The following ADAMTS9 variants were observed in gnomAD, a reference collection of about 807,000 sequenced individuals.
ADAMTS9 encodes the protein ADAM metallopeptidase with thrombospondin type 1 motif 9.
In ADAMTS9, 107 loss-of-function variants were observed where a neutral mutation model predicts 257.1. The ratio of observed to expected loss-of-function variants is 0.42; its 90% CI spans 0.36 to 0.49. The LOEUF (loss-of-function observed/expected upper bound fraction) is 0.49. Ranked by LOEUF, ADAMTS9 falls within the 20% of genes least tolerant of loss-of-function variation. The pLI is 0.03. For missense variants in ADAMTS9, 2,353 were observed against 2,469.1 expected (o/e 0.95, Z 1.00); for synonymous variants, 982 against 880.9 (o/e 1.11, Z -2.03).
chr3:64,640,992 G>A (rs887860198), intron 12 of ADAMTS9, among the ~76,000 whole-genome samples: 2 of 152,226 alleles, frequency 1.3e-5, no homozygotes, highest in Admixed American at 1.3e-4. Flanking sequence ...TCTGTAAAAT[G>A]TCAGGTTGTG....
At chr3:64,519,715 A>C (rs1317763224) in intron 39 of ADAMTS9, among the ~76,000 whole-genome samples, 1 of 152,186 alleles carries the variant, frequency 6.6e-6, no homozygotes, top group Non-Finnish European at 1.5e-5. Flanking sequence ...ATATCAATAG[A>C]TGCAGAAAAA....
intron 25 of ADAMTS9, 23 bp from the exon 26 acceptor site, chr3:64,602,236 G>A: frequency 6.2e-7 from 1 of 1,610,136 alleles, no homozygotes; most frequent in Non-Finnish European, 8.5e-7. Context: ...TTCAGAAAGA[G>A]AAAGGGTCAG....
intron 30 of ADAMTS9, among the ~76,000 whole-genome samples, chr3:64,556,460 A>G (rs986077965): frequency 6.6e-6 from 1 of 152,130 alleles, no homozygotes; most frequent in Non-Finnish European, 1.5e-5. Context: ...AGCTGGAACT[A>G]CAGGTCCATG....
intron 16 of ADAMTS9, among the ~76,000 whole-genome samples, chr3:64,623,281 G>A (rs777513898): frequency 5.3e-5 from 8 of 152,166 alleles, no homozygotes; most frequent in African/African-American, 9.7e-5. Context: ...CTTTGGCTCT[G>A]CCTTGCTCTT....
chr3:64,652,855 T>TTCAGCTATCA (rs1491278849), intron 8 of ADAMTS9, among the ~76,000 whole-genome samples: 1 of 152,144 alleles, frequency 6.6e-6, no homozygotes, highest in East Asian at 1.9e-4. Flanking sequence ...GACCCAAAAC[T>TTCAGCTATCA]TTTTGAGTGC....
chr3:64,553,782 G>C (rs534352824), intron 30 of ADAMTS9, among the ~76,000 whole-genome samples: 9 of 152,226 alleles, frequency 5.9e-5, no homozygotes, highest in African/African-American at 2.2e-4. Context: ...ACCACTGTGA[G>C]GTGAGCATGG....
At chr3:64,553,227 C>G (rs1039606565) in intron 30 of ADAMTS9, among the ~76,000 whole-genome samples, 34 of 152,180 alleles carry the variant, frequency 2.2e-4, no homozygotes, top group African/African-American at 7.7e-4. Context: ...CTTCCTGTAG[C>G]CCCTAGCAAA....
rs1204655167 is a variant in ADAMTS9, at chr3:64,531,197, GAA to G, written c.5718+1967_5718+1968del. On this transcript the variant is annotated intron_variant, in intron 38 of 39. Coordinates refer to ENST00000498707, the MANE Select transcript of ADAMTS9 (RefSeq NM_182920.2). The stretch of plus-strand genomic sequence containing the variant: ...GACACAAACTTAATCATGGCAGCTA[GAA>G]AAAGAGATCAGGAAACAGATTTTCC... Among the ~76,000 whole-genome samples the G allele has an allele frequency of 2.0e-5, 3 of 152,266 alleles. No homozygotes were observed. In the East Asian group the frequency reaches 5.8e-4, roughly 29 times the overall value.
intron 36 of ADAMTS9, among the ~76,000 whole-genome samples, chr3:64,540,042 G>T (rs2083100686): frequency 1.3e-5 from 2 of 152,166 alleles, no homozygotes; most frequent in South Asian, 4.1e-4. Context: ...TCGTCTTTCA[G>T]GAATGGCCTT....
chr3:64,562,975 A>G (rs2083453444), intron 29 of ADAMTS9: 1 of 152,242 alleles, frequency 6.6e-6, no homozygotes, highest in African/African-American at 2.4e-5. Context: ...TCTATGCCAG[A>G]GAGGAGAACC....
intron 6 of ADAMTS9, among the ~76,000 whole-genome samples, chr3:64,655,153 C>A (rs1005151272): frequency 2.6e-5 from 4 of 152,218 alleles, no homozygotes; most frequent in African/African-American, 9.7e-5. Context: ...CAAAAGCTGG[C>A]AACACTGAAC....
chr3:64,591,832 G>A (rs561051005), intron 28 of ADAMTS9, among the ~76,000 whole-genome samples: 39 of 152,250 alleles, frequency 2.6e-4, no homozygotes, highest in African/African-American at 9.4e-4. Flanking sequence ...CAGGCAGAAG[G>A]ATTAATTGCT....
At chr3:64,528,550 C>G (rs78255061) in intron 38 of ADAMTS9, among the ~76,000 whole-genome samples, 2 of 152,098 alleles carry the variant, frequency 1.3e-5, no homozygotes, top group Non-Finnish European at 2.9e-5. Flanking sequence ...GTGTCTCACA[C>G]GACTTATTCC....
At chr3:64,602,236 G>T in intron 25 of ADAMTS9, 23 bp from the exon 26 acceptor site, 3 of 1,610,136 alleles carry the variant, frequency 1.9e-6, no homozygotes, top group Non-Finnish European at 2.5e-6. Context: ...TTCAGAAAGA[G>T]AAAGGGTCAG....
In ADAMTS9 at chr3:64,560,063, T is replaced by C. The variant is rs539960870; in HGVS notation, c.4698+1515A>G. Among the ~76,000 whole-genome samples the C allele has an allele frequency of 3.2e-4, 49 of 152,326 alleles. No homozygotes were observed. The South Asian group carries it at 8.1e-3, about 25-fold the overall frequency. On this transcript the variant is annotated intron_variant, in intron 30 of 39. Transcript: ENST00000498707. The stretch of plus-strand genomic sequence containing the variant: ...CCCAAACCATAATAGATAACACTAT[T>C]ACCTCCAGTTTTCTCAGAACAACTC...
At chr3:64,646,171 TG>T in intron 11 of ADAMTS9, among the ~76,000 whole-genome samples, 1 of 152,354 alleles carries the variant, frequency 6.6e-6, no homozygotes, top group Middle Eastern at 3.4e-3. Context: ...GTGATTTCAC[TG>T]AGATCAAACA....
intron 19 of ADAMTS9, among the ~76,000 whole-genome samples, chr3:64,618,117 C>T (rs1700011166): frequency 6.6e-6 from 1 of 152,142 alleles, no homozygotes; most frequent in Non-Finnish European, 1.5e-5. Flanking sequence ...TAGGCATGAT[C>T]TTCTGGTTAA....
At chr3:64,566,868 A>G (rs988142106) in intron 29 of ADAMTS9, among the ~76,000 whole-genome samples, 4 of 152,154 alleles carry the variant, frequency 2.6e-5, no homozygotes, top group African/African-American at 9.7e-5. Flanking sequence ...CTCCAAAAAA[A>G]AAAAGGGATG....
intron 30 of ADAMTS9, among the ~76,000 whole-genome samples, chr3:64,561,147 C>G (rs988399766): frequency 6.6e-6 from 1 of 151,308 alleles, no homozygotes; most frequent in Non-Finnish European, 1.5e-5. Context: ...ACCTGACAGC[C>G]AAAGTCATAG....
Sources: gnomAD v4.1 joint callset for allele counts (sites outside exome capture counted in the v4.1 genomes callset) on GRCh38, gnomAD v4.1.1 for gene constraint, MANE v1.5 for transcripts, NCBI Gene and HGNC (gene_info 2026-07-23, HGNC 2026-07-21) for gene names.